IL6ST: variants seen among roughly 807,000 people sequenced by gnomAD.
IL6ST encodes interleukin 6 cytokine family signal transducer, also known as interleukin-6 receptor subunit beta.
Under a neutral mutation model 91.3 loss-of-function variants are expected in IL6ST, and 24 were observed. The observed-to-expected ratio is 0.26, with a 90% CI of 0.19 to 0.37. The LOEUF (loss-of-function observed/expected upper bound fraction) is 0.37. Among genes scored for constraint, IL6ST ranks in the 10% least tolerant of loss-of-function variants. The probability of loss-of-function intolerance (pLI) is 1.00; values close to 1 mark genes in which losing one functional copy is unlikely to be tolerated. For missense variants in IL6ST, 914 were observed against 1,078.5 expected (o/e 0.85, Z 2.14); for synonymous variants, 351 against 373.6 (o/e 0.94, Z 0.70).
intron 1 of IL6ST, among the ~76,000 whole-genome samples, chr5:55,988,962 A>T (rs540931078): frequency 1.1e-4 from 16 of 151,006 alleles, no homozygotes; most frequent in East Asian, 1.9e-4. Flanking sequence ...AATAAAAAAA[A>T]AATAAAAAAA....
intron 6 of IL6ST, among the ~76,000 whole-genome samples, chr5:55,963,891 TTC>T (rs1396896011): frequency 6.6e-6 from 1 of 152,182 alleles, no homozygotes; most frequent in Non-Finnish European, 1.5e-5. Flanking sequence ...ATGGATATTT[TTC>T]TTTTTCCAAA....
intron 16 of IL6ST, 92 bp downstream of exon 16, chr5:55,942,578 T>C: frequency 1.6e-6 from 1 of 621,252 alleles, no homozygotes; most frequent in Non-Finnish European, 2.9e-6. Flanking sequence ...GGTACATTTG[T>C]AGATACTCAA....
intron 4 of IL6ST, 114 bp downstream of exon 4, chr5:55,969,436 G>T: frequency 2.9e-6 from 2 of 687,018 alleles, no homozygotes; most frequent in Non-Finnish European, 4.7e-6. Flanking sequence ...AACCAAACAT[G>T]TCCAAGTCAC....
intron 8 of IL6ST, chr5:55,959,631 A>G: frequency 7.7e-7 from 1 of 1,296,170 alleles, no homozygotes; most frequent in Non-Finnish European, 1.0e-6. Flanking sequence ...CTAACCAACC[A>G]AAATTCCAGG....
Position 55,941,557 on chromosome 5 carries a change from G to A in IL6ST, c.2282C>T (p.Thr761Ile), listed in dbSNP as rs1750916198. 1 of 1,614,168 alleles carries A rather than the reference G, an allele frequency of 6.2e-7. No homozygotes were observed. Among genetic ancestry groups the A allele is most frequent in the Non-Finnish European group, 8.5e-7 (1 of 1,179,998 alleles). The change falls in exon 17 of 17, where the codon ACC becomes ATC. Residue 761 changes from threonine (T) to isoleucine (I), a missense_variant. Physicochemically the swap from Thr to Ile is moderately conservative, Grantham distance 89. Coordinates refer to ENST00000381298, the MANE Select transcript of IL6ST (RefSeq NM_002184.4). ...GTGTCTGTAGCCACTGTGTACCACG[G>A]TAGAATACTGGACAGTGCTCGAAGT... ...QNTSSTVQYSTVVHSGYRHQV... is the reference protein window; with the variant it reads ...QNTSSTVQYSIVVHSGYRHQV...
At chr5:55,949,718 C>A (rs897631400) in intron 14 of IL6ST, among the ~76,000 whole-genome samples, 2 of 152,134 alleles carry the variant, frequency 1.3e-5, no homozygotes, top group Non-Finnish European at 2.9e-5. Flanking sequence ...TCATTACTGA[C>A]CCTAACAGCA....
Position 55,939,109 on chromosome 5 carries a change from T to C in IL6ST, c.*1973A>G, listed in dbSNP as rs1233555421. ...AAATATTAGTCATGTGACTTAAATT[T>C]TGAGAAAATGGAAAATGTAATAGGT... On this transcript the variant is annotated 3_prime_UTR_variant, in exon 17 of 17. Transcript: ENST00000381298. The C allele has an allele frequency of 4.8e-6, 1 of 207,338 alleles. No homozygotes were observed. The highest frequency in any genetic ancestry group is 2.3e-5 in the African/African-American group (1 of 43,926). The allele number at this position is 207,338 out of a possible 1,614,324, so 12.8% of individuals were successfully genotyped here.
intron 1 of IL6ST, among the ~76,000 whole-genome samples, chr5:55,983,225 A>C (rs1753764694): frequency 6.6e-6 from 1 of 152,028 alleles, no homozygotes; most frequent in African/African-American, 2.4e-5. Context: ...GCTCAAAGGG[A>C]TCTGCCCACC....
At chr5:55,944,744 T>C (rs1486799052) in intron 15 of IL6ST, 2 of 1,038,746 alleles carry the variant, frequency 1.9e-6, no homozygotes, top group African/African-American at 3.2e-5. Context: ...ACCGCTAGCT[T>C]GTTGCACCGT....
At chr5:55,990,025 C>T (rs1754221231) in intron 1 of IL6ST, among the ~76,000 whole-genome samples, 2 of 152,220 alleles carry the variant, frequency 1.3e-5, no homozygotes, top group South Asian at 4.1e-4. Flanking sequence ...GATCAATCAA[C>T]CTTAGAGCAA....
At position 55,976,105 on chromosome 5, in the gene IL6ST, G is replaced by T. The variant is rs1432246596; in HGVS notation, c.64+110C>A. On this transcript the variant is annotated intron_variant, in intron 3 of 16. Coordinates refer to ENST00000381298, the MANE Select transcript of IL6ST (RefSeq NM_002184.4). ...AGATATTATTCTCTCGATTATCCTA[G>T]AAAGAATATATGAACATAATAATTA... is the stretch of plus-strand genomic sequence containing the variant. 5 of 462,256 alleles carry T rather than the reference G, an allele frequency of 1.1e-5. No individual in the cohort carries two copies. The East Asian group carries it at 1.2e-4, about 11-fold the overall frequency. 28.6% of individuals were successfully genotyped at this position (462,256 alleles called of 1,614,324 possible).
chr5:55,978,411 G>C (rs1753443644), intron 2 of IL6ST: 1 of 152,276 alleles, frequency 6.6e-6, no homozygotes, highest in Admixed American at 6.5e-5. Context: ...ACGGCTCTGA[G>C]AGTCTACCTT....
At chr5:55,989,122 G>A (rs1245411944) in intron 1 of IL6ST, among the ~76,000 whole-genome samples, 2 of 140,232 alleles carry the variant, frequency 1.4e-5, no homozygotes, top group South Asian at 2.2e-4. Flanking sequence ...GTAACAGTGC[G>A]AGGCTCTGTC....
Position 55,972,987 on chromosome 5 carries a change from G to A in IL6ST, c.65-3132C>T, listed in dbSNP as rs184515068. The stretch of plus-strand genomic sequence containing the variant: ...GCCACTGCACTCCAGCCTAGGCAAC[G>A]AAACGAGATTCCATCTCAAAAAAAA... On this transcript the variant is annotated intron_variant, in intron 3 of 16. Transcript: ENST00000381298. Among the ~76,000 whole-genome samples, 591 of 142,606 alleles carry A rather than the reference G, an allele frequency of 4.1e-3. 4 individuals carry two copies. The highest frequency in any genetic ancestry group is 0.015 in the African/African-American group (563 of 37,920). 93.6% of individuals were successfully genotyped at this position (142,606 alleles called of 152,430 possible). A position where few individuals can be genotyped will look rare whatever the true frequency, so the allele number is the denominator to read the frequency against.
chr5:55,954,250 C>T (rs1391463464), intron 11 of IL6ST, among the ~76,000 whole-genome samples: 1 of 152,150 alleles, frequency 6.6e-6, no homozygotes, highest in Non-Finnish European at 1.5e-5. Context: ...CAACAAAAGA[C>T]TATAAACTGA....
At chr5:55,955,837 C>T (rs548018811) in intron 10 of IL6ST, 188 bp downstream of exon 10, 4 of 354,870 alleles carry the variant, frequency 1.1e-5, no homozygotes, top group East Asian at 4.5e-5. Flanking sequence ...AGCAACCTGG[C>T]GAGACCCAGT....
At chr5:55,958,536 G>A (rs894670026) in intron 8 of IL6ST, among the ~76,000 whole-genome samples, 1 of 152,002 alleles carries the variant, frequency 6.6e-6, no homozygotes, top group Non-Finnish European at 1.5e-5. Flanking sequence ...GACAGGAGTT[G>A]AATAAAATCT....
chr5:55,958,710 G>A (rs909300544), intron 8 of IL6ST, among the ~76,000 whole-genome samples: 5 of 151,936 alleles, frequency 3.3e-5, no homozygotes, highest in Non-Finnish European at 7.4e-5. Flanking sequence ...ATGGTGACAC[G>A]TGCCTATAGT....
At chr5:55,982,240 C>T (rs1224005774) in intron 2 of IL6ST, among the ~76,000 whole-genome samples, 8 of 151,122 alleles carry the variant, frequency 5.3e-5, no homozygotes, top group Non-Finnish European at 7.4e-5. Context: ...ATAAAAAGCA[C>T]GAATATATTT....
Sources: allele counts gnomAD v4.1 joint callset (sites outside exome capture counted in the v4.1 genomes callset), GRCh38; gene constraint gnomAD v4.1.1; transcripts MANE v1.5; gene names NCBI Gene and HGNC (gene_info 2026-07-23, HGNC 2026-07-21).